DNAJC1: variants seen among roughly 807,000 people sequenced by gnomAD.
DNAJC1 encodes DnaJ heat shock protein family (Hsp40) member C1.
Under a neutral mutation model 76.6 loss-of-function variants are expected in DNAJC1, and 58 were observed. That is an observed-to-expected ratio of 0.76 (90% CI 0.61 to 0.94). DNAJC1 has a LOEUF of 0.94. Among genes scored for constraint, DNAJC1 ranks in the 40% least tolerant of loss-of-function variants. DNAJC1 has a pLI of 0.00. For synonymous variants in DNAJC1, 258 were observed against 267.9 expected (o/e 0.96, Z 0.36); for missense variants, 689 against 677.3 (o/e 1.02, Z -0.19).
chr10:21,840,696 C>G (rs1835561168), intron 8 of DNAJC1, among the ~76,000 whole-genome samples: 2 of 152,152 alleles, frequency 1.3e-5, no homozygotes, highest in Admixed American at 1.3e-4. Flanking sequence ...TTTATAGATT[C>G]AGTGCCATCC....
chr10:21,849,094 A>C (rs890927593), intron 8 of DNAJC1, among the ~76,000 whole-genome samples: 9 of 151,904 alleles, frequency 5.9e-5, no homozygotes, highest in African/African-American at 1.5e-4. Context: ...GTTCAAGACC[A>C]ATCTGGCCAA....
chr10:21,790,134 G>GAA (rs1054394582), intron 9 of DNAJC1, among the ~76,000 whole-genome samples: 11 of 128,458 alleles, frequency 8.6e-5, no homozygotes, highest in African/African-American at 2.9e-4. Flanking sequence ...GAGAAAGAAA[G>GAA]AAAAAAAGCA....
chr10:21,892,618 A>G (rs1161895137), intron 7 of DNAJC1, among the ~76,000 whole-genome samples: 2 of 152,054 alleles, frequency 1.3e-5, no homozygotes, highest in East Asian at 1.9e-4. Flanking sequence ...ACATATATAT[A>G]TATATGCTAT....
intron 6 of DNAJC1, among the ~76,000 whole-genome samples, chr10:21,913,051 C>G (rs1012258263): frequency 6.6e-6 from 1 of 151,184 alleles, no homozygotes; most frequent in Non-Finnish European, 1.5e-5. Context: ...ATTTTCTCAG[C>G]CACTACTCCT....
At chr10:21,867,489 A>G (rs1836020749) in intron 8 of DNAJC1, among the ~76,000 whole-genome samples, 1 of 152,152 alleles carries the variant, frequency 6.6e-6, no homozygotes. Context: ...GAATAATACA[A>G]GGTGGTCCCT....
rs1837176135 is a variant in DNAJC1, at chr10:21,929,076, C to G, written c.288G>C (p.Lys96Asn). 6.2e-7 allele frequency: 1 copy of G among 1,611,194 alleles called. No individual in the cohort carries two copies. Residue 96 changes from lysine to asparagine, a missense_variant, in exon 2 of 12, where the codon AAG becomes AAC. Lys to Asn is a moderately conservative substitution (Grantham distance 94). Coordinates refer to ENST00000376980, the MANE Select transcript of DNAJC1 (RefSeq NM_022365.4). ...GAGTTTCTGCATTTTCATCTTTATT[C>G]TTGTCTGGATGTAAAGTTAGTGAAA... ...RKLSLTLHPD[K>N]NKDENAETQF...
At chr10:21,767,952 G>C (rs558375711) in intron 9 of DNAJC1, among the ~76,000 whole-genome samples, 1 of 151,754 alleles carries the variant, frequency 6.6e-6, no homozygotes, top group Non-Finnish European at 1.5e-5. Flanking sequence ...CTGAGATTAC[G>C]TCACTGCACT....
intron 7 of DNAJC1, among the ~76,000 whole-genome samples, chr10:21,889,631 T>C (rs1363698859): frequency 1.3e-5 from 2 of 152,148 alleles, no homozygotes; most frequent in African/African-American, 4.8e-5. Context: ...ATACCCACAG[T>C]GGTCAGTTCT....
intron 3 of DNAJC1, among the ~76,000 whole-genome samples, chr10:21,925,140 T>C (rs1837106283): frequency 6.6e-6 from 1 of 152,220 alleles, no homozygotes; most frequent in East Asian, 1.9e-4. Context: ...GCCACCCAAG[T>C]AGTTGGGACT....
At chr10:21,925,083 C>T (rs981763176) in intron 3 of DNAJC1, among the ~76,000 whole-genome samples, 2 of 152,058 alleles carry the variant, frequency 1.3e-5, no homozygotes, top group African/African-American at 2.4e-5. Flanking sequence ...GCCTTGCAAT[C>T]CTCCCATCTC....
chr10:21,771,018 C>T (rs1445644512), intron 9 of DNAJC1, among the ~76,000 whole-genome samples: 1 of 152,080 alleles, frequency 6.6e-6, no homozygotes, highest in African/African-American at 2.4e-5. Context: ...AAGTTTTTCA[C>T]TTCTTTTAAT....
chr10:21,925,165 C>T (rs1837107723), intron 3 of DNAJC1, among the ~76,000 whole-genome samples: 1 of 152,088 alleles, frequency 6.6e-6, no homozygotes, highest in African/African-American at 2.4e-5. Flanking sequence ...GCATGCAACA[C>T]TACACCCTGG....
intron 9 of DNAJC1, among the ~76,000 whole-genome samples, chr10:21,781,966 C>T (rs1197419736): frequency 6.6e-6 from 1 of 151,856 alleles, no homozygotes. Flanking sequence ...AAAATTGACA[C>T]CCTACCACTG....
In DNAJC1 at chr10:21,851,890, TAAA is replaced by T. The variant is rs536913098; in HGVS notation, c.978+30389_978+30391del. ...TAACACAGTGAAACCCCATCTCTAC[TAAA>T]AATACAAAAAATTAGCTGGCCTGGT... On this transcript the variant is annotated intron_variant, in intron 8 of 11. Transcript: ENST00000376980. 5.9e-5 allele frequency among the ~76,000 whole-genome samples: 9 copies of T among 151,672 alleles called. No homozygotes were observed. In the East Asian group the frequency reaches 1.8e-3, roughly 30 times the overall value.
chr10:21,837,050 G>A (rs1231449239), intron 8 of DNAJC1, among the ~76,000 whole-genome samples: 1 of 152,238 alleles, frequency 6.6e-6, no homozygotes, highest in Non-Finnish European at 1.5e-5. Flanking sequence ...GCCTGGGATT[G>A]CAGGCGTGCG....
chr10:21,993,218 T>C (rs554626001), intron 1 of DNAJC1, among the ~76,000 whole-genome samples: 2 of 152,256 alleles, frequency 1.3e-5, no homozygotes, highest in South Asian at 4.1e-4. Flanking sequence ...CACACATAAG[T>C]ATATAAATGC....
At chr10:21,883,411 T>C (rs1836315842) in intron 7 of DNAJC1, among the ~76,000 whole-genome samples, 1 of 152,172 alleles carries the variant, frequency 6.6e-6, no homozygotes, top group Non-Finnish European at 1.5e-5. Context: ...TGTGTGTATT[T>C]GCATGTACTA....
chr10:21,890,997 C>T (rs996788322), intron 7 of DNAJC1, among the ~76,000 whole-genome samples: 2 of 152,118 alleles, frequency 1.3e-5, no homozygotes, highest in South Asian at 4.1e-4. Flanking sequence ...TCGAGTCCAG[C>T]CTGGTCAACA....
chr10:21,992,934 TAAAG>T (rs1838349865), intron 1 of DNAJC1, among the ~76,000 whole-genome samples: 1 of 152,204 alleles, frequency 6.6e-6, no homozygotes, highest in South Asian at 2.1e-4. Flanking sequence ...AGTAATCAAG[TAAAG>T]AATGCTAATT....
Sources: allele counts gnomAD v4.1 joint callset (sites outside exome capture counted in the v4.1 genomes callset), GRCh38; gene constraint gnomAD v4.1.1; transcripts MANE v1.5; gene names NCBI Gene and HGNC (gene_info 2026-07-23, HGNC 2026-07-21).